BICC1: variants seen among roughly 807,000 people sequenced by gnomAD.
The protein encoded by BICC1 is protein bicaudal C homolog 1.
A neutral mutation model predicts 111.0 loss-of-function variants in BICC1; 43 were observed. That is an observed-to-expected ratio of 0.39 (90% CI 0.30 to 0.50). The LOEUF (loss-of-function observed/expected upper bound fraction) is 0.50. Ranked by LOEUF, BICC1 falls within the 20% of genes least tolerant of loss-of-function variation. BICC1 has a pLI of 0.88. For synonymous variants in BICC1, 467 were observed against 434.4 expected (o/e 1.07, Z -0.93); for missense variants, 1,091 against 1,203.2 (o/e 0.91, Z 1.38).
intron 3 of BICC1, among the ~76,000 whole-genome samples, chr10:58,765,543 A>G (rs535420283): frequency 4.6e-5 from 7 of 152,224 alleles, no homozygotes; most frequent in Non-Finnish European, 7.3e-5. Context: ...TGAAGTTCAC[A>G]TTAATAAGGT....
intron 3 of BICC1, among the ~76,000 whole-genome samples, chr10:58,769,230 A>G (rs963031644): frequency 2.0e-5 from 3 of 151,642 alleles, no homozygotes; most frequent in Non-Finnish European, 2.9e-5. Flanking sequence ...TGGTGACTAT[A>G]GCTCATAATA....
chr10:58,564,560 C>A (rs887311614), intron 1 of BICC1, among the ~76,000 whole-genome samples: 2 of 152,278 alleles, frequency 1.3e-5, no homozygotes, highest in East Asian at 3.9e-4. Context: ...TGTTTTCTAC[C>A]TTTTCCCCTT....
chr10:58,746,548 T>G (rs973844047), intron 3 of BICC1, among the ~76,000 whole-genome samples: 1 of 152,138 alleles, frequency 6.6e-6, no homozygotes, highest in Admixed American at 6.6e-5. Flanking sequence ...AGTTCTCAGT[T>G]TCATAGCTGA....
chr10:58,799,082 A>T lies in BICC1; in HGVS notation c.1555A>T (p.Ile519Phe). ...TGFSAIPHLM[I>F]PSTAQATLTN... ...TTTTTCTGCTATACCACACCTTATG[A>T]TTCCATCTACTGCCCAAGCCACATT... The change falls in exon 12 of 21, where the codon ATT becomes TTT. Residue 519 changes from isoleucine (I) to phenylalanine (F), a missense_variant. Physicochemically the swap from Ile to Phe is conservative, Grantham distance 21. Around this residue, in one of 3 missense-constraint regions of BICC1, gnomAD observed 843 missense variants for 900.8 expected, o/e 0.94. Coordinates refer to ENST00000373886, the MANE Select transcript of BICC1 (RefSeq NM_001080512.3). The T allele has an allele frequency of 6.2e-7, 1 of 1,611,786 alleles. No homozygotes were observed. Among genetic ancestry groups the T allele is most frequent in the Non-Finnish European group, 8.5e-7 (1 of 1,178,500 alleles).
At chr10:58,544,670 C>T (rs565823546) in intron 1 of BICC1, among the ~76,000 whole-genome samples, 8 of 152,200 alleles carry the variant, frequency 5.3e-5, no homozygotes, top group African/African-American at 1.7e-4. Context: ...TAGAACCATG[C>T]TTATCAAGGA....
intron 1 of BICC1, among the ~76,000 whole-genome samples, chr10:58,577,776 T>C (rs1844155049): frequency 1.3e-5 from 2 of 152,206 alleles, no homozygotes; most frequent in Admixed American, 6.5e-5. Context: ...CTTAAAATCC[T>C]AAACTCTTTG....
intron 3 of BICC1, among the ~76,000 whole-genome samples, chr10:58,711,002 C>T (rs1840555811): frequency 6.6e-6 from 1 of 152,076 alleles, no homozygotes; most frequent in African/African-American, 2.4e-5. Flanking sequence ...GTGCAAGCCA[C>T]CATACCTGGC....
In BICC1 at chr10:58,513,352, C is replaced by T. The variant is rs765473594; in HGVS notation, c.190+19C>T. On this transcript the variant is annotated intron_variant, in intron 1 of 20. Transcript: ENST00000373886. ...TTACAAGGTAGGCATCCCTCGTGTT[C>T]TCGGACTCTCCGACTGAGCCTCTAA... is the stretch of plus-strand genomic sequence containing the variant. The T allele has an allele frequency of 5.1e-6, 8 of 1,582,178 alleles. No individual in the cohort carries two copies. The South Asian group carries it at 9.1e-5, about 18-fold the overall frequency.
chr10:58,594,331 A>G (rs571177752), intron 1 of BICC1, among the ~76,000 whole-genome samples: 2 of 152,298 alleles, frequency 1.3e-5, no homozygotes, highest in African/African-American at 4.8e-5. Flanking sequence ...AACTTCCCCA[A>G]CCTAGTAAGA....
At chr10:58,559,922 C>A (rs1843558003) in intron 1 of BICC1, among the ~76,000 whole-genome samples, 1 of 151,472 alleles carries the variant, frequency 6.6e-6, no homozygotes, top group South Asian at 2.1e-4. Flanking sequence ...CCCACCTGAT[C>A]ATGTTGTGTA....
chr10:58,727,802 G>T (rs1293577556), intron 3 of BICC1, among the ~76,000 whole-genome samples: 2 of 152,064 alleles, frequency 1.3e-5, no homozygotes, highest in Non-Finnish European at 2.9e-5. Flanking sequence ...GACACTGCAG[G>T]TTTAGTTCCA....
intron 1 of BICC1, among the ~76,000 whole-genome samples, chr10:58,563,510 T>G (rs942562647): frequency 1.3e-5 from 2 of 152,188 alleles, no homozygotes; most frequent in African/African-American, 4.8e-5. Context: ...TCCTTCTCTG[T>G]GATACTATCC....
At chr10:58,635,328 T>C (rs773239440) in intron 2 of BICC1, among the ~76,000 whole-genome samples, 90 of 152,274 alleles carry the variant, frequency 5.9e-4, no homozygotes, top group Admixed American at 1.1e-3. Context: ...TACAGAAATA[T>C]GTAATTTGTG....
chr10:58,592,842 A>C (rs1369221685), intron 1 of BICC1, among the ~76,000 whole-genome samples: 1 of 138,488 alleles, frequency 7.2e-6, no homozygotes, highest in African/African-American at 2.7e-5. Context: ...GCACCACTGC[A>C]CTCAAGCCTG....
chr10:58,597,696 A>C (rs1844864650), intron 1 of BICC1, among the ~76,000 whole-genome samples: 1 of 152,020 alleles, frequency 6.6e-6, no homozygotes, highest in Admixed American at 6.6e-5. Flanking sequence ...TCCCCCCAGG[A>C]ATGCATTCCT....
Position 58,746,438 on chromosome 10 carries a change from G to C in BICC1, c.308-38563G>C, listed in dbSNP as rs1841838937. ...GAATATTTGCTCCCTCATTGCTTCT[G>C]CCAAAGAGGACAGGGGTAAGAAAAA... On this transcript the variant is annotated intron_variant, in intron 3 of 20. Transcript: ENST00000373886. Among the ~76,000 whole-genome samples the C allele has an allele frequency of 2.0e-5, 3 of 152,246 alleles. No individual in the cohort carries two copies. In the South Asian group the frequency reaches 6.2e-4, roughly 32 times the overall value.
At chr10:58,701,277 CTA>C (rs1309953467) in intron 2 of BICC1, among the ~76,000 whole-genome samples, 2 of 152,058 alleles carry the variant, frequency 1.3e-5, no homozygotes, top group Admixed American at 1.3e-4. Flanking sequence ...TTGGTTAATT[CTA>C]TGTTTGTCTT....
intron 3 of BICC1, among the ~76,000 whole-genome samples, chr10:58,713,681 C>T (rs2132493807): frequency 6.6e-6 from 1 of 152,280 alleles, no homozygotes; most frequent in Non-Finnish European, 1.5e-5. Flanking sequence ...GATTTACTAA[C>T]ACATTTATTT....
At chr10:58,512,772 C>A (rs1005578524), upstream of BICC1, among the ~76,000 whole-genome samples, 1 of 151,204 alleles carries the variant, frequency 6.6e-6, no homozygotes, top group Admixed American at 6.6e-5. Context: ...CGCGGCTCCC[C>A]GTGGGCTGGC....
Sources: allele counts gnomAD v4.1 joint callset (sites outside exome capture counted in the v4.1 genomes callset), GRCh38; gene constraint gnomAD v4.1.1; regional missense constraint gnomAD v4.1.1; transcripts MANE v1.5; gene names NCBI Gene and HGNC (gene_info 2026-07-23, HGNC 2026-07-21).